The following RHOT2 variants were observed in gnomAD, a reference collection of about 807,000 sequenced individuals.
RHOT2 encodes mitochondrial Rho GTPase 2.
Under a neutral mutation model 81.6 loss-of-function variants are expected in RHOT2, and 90 were observed. The observed-to-expected ratio is 1.10, with a 90% CI of 0.93 to 1.31. The LOEUF (loss-of-function observed/expected upper bound fraction) is 1.31. Among genes scored for constraint, RHOT2 ranks in the 40% most tolerant of loss-of-function variants. RHOT2 has a pLI of 0.00. For missense variants in RHOT2, 1,014 were observed against 841.9 expected (o/e 1.20, Z -2.53); for synonymous variants, 512 against 370.9 (o/e 1.38, Z -4.37).
At position 670,927 on chromosome 16, in the gene RHOT2, C is replaced by T; in HGVS notation, c.675C>T (p.Ala225=). 1.9e-6 allele frequency: 3 copies of T among 1,569,526 alleles called. No homozygotes were observed. Among genetic ancestry groups the T allele is most frequent in the East Asian group, 4.5e-5 (2 of 44,344 alleles). ...SCFGHPLAPQ[A]LEDVKTVVCR... ...TTGGGCACCCCCTGGCCCCGCAGGC[C>T]CTGGAGGACGTGAAGACGGTGGTGT... Residue 225 remains alanine (A), a synonymous_variant, in exon 10 of 19, where the codon GCC becomes GCT. Coordinates refer to ENST00000315082, the MANE Select transcript of RHOT2 (RefSeq NM_138769.3).
chr16:669,268 T>G, intron 4 of RHOT2: 1 of 539,108 alleles, frequency 1.9e-6, no homozygotes. Flanking sequence ...TGACCACAGT[T>G]ATGCTTCTGG....
chr16:673,723 C>A lies in RHOT2; in HGVS notation c.*117C>A. On this transcript the variant is annotated 3_prime_UTR_variant, in exon 19 of 19. Coordinates refer to ENST00000315082, the MANE Select transcript of RHOT2 (RefSeq NM_138769.3). ...TGCCACTCCGGGAACGCCTTTGCGC[C>A]GGGACTTTTTGTTTCTGAAGGCAGT... 3 of 1,333,562 alleles carry A rather than the reference C, an allele frequency of 2.2e-6. No homozygotes were observed. Among genetic ancestry groups the A allele is most frequent in the Non-Finnish European group, 3.1e-6 (3 of 978,110 alleles). 82.6% of individuals were successfully genotyped at this position (1,333,562 alleles called of 1,614,324 possible). A position where few individuals can be genotyped will look rare whatever the true frequency, so the allele number is the denominator to read the frequency against.
At chr16:669,281 C>T (rs2038492025) in intron 4 of RHOT2, 1 of 554,910 alleles carries the variant, frequency 1.8e-6, no homozygotes, top group Admixed American at 3.1e-5. Context: ...GCTTCTGGGG[C>T]CTGGTGTCCC....
chr16:673,475 T>C lies in RHOT2; in HGVS notation c.1731-5T>C. 1.2e-6 allele frequency: 2 copies of C among 1,612,646 alleles called. No homozygotes were observed. Among genetic ancestry groups the C allele is most frequent in the Non-Finnish European group, 1.7e-6 (2 of 1,179,908 alleles). On this transcript the variant is annotated splice_region_variant and splice_polypyrimidine_tract_variant and intron_variant, in intron 18 of 18. Transcript: ENST00000315082. ...GTATCTGCAGATGATTCTTCTCTCTTGCAGACATTTGGTCCACGCAGAGCT... is the reference window on the plus strand; with the variant it reads ...GTATCTGCAGATGATTCTTCTCTCTCGCAGACATTTGGTCCACGCAGAGCT...
intron 5 of RHOT2, chr16:669,918 G>C: frequency 1.6e-6 from 1 of 613,442 alleles, no homozygotes; most frequent in Non-Finnish European, 2.8e-6. Flanking sequence ...GTGACTTGGG[G>C]GTGTTTGGGA....
intron 12 of RHOT2, 22 bp downstream of exon 12, chr16:671,803 T>TGGCCCCG: frequency 3.8e-6 from 5 of 1,308,158 alleles, no homozygotes; most frequent in Middle Eastern, 2.0e-4. Context: ...GCGAGTCCCC[T>TGGCCCCG]GCCCCTGCCC....
chr16:670,456 T>C lies in RHOT2; in HGVS notation c.439T>C (p.Cys147Arg), dbSNP rs1022260210. 3.7e-6 allele frequency: 6 copies of C among 1,605,686 alleles called. No homozygotes were observed. Among genetic ancestry groups the C allele is most frequent in the Non-Finnish European group, 5.1e-6 (6 of 1,176,064 alleles). The change falls in exon 8 of 19, where the codon TGT (cysteine) becomes CGT (arginine). Residue 147 changes from cysteine (C) to arginine (R), a missense_variant and splice_region_variant. Physicochemically the swap from Cys to Arg is radical, Grantham distance 180. Transcript: ENST00000315082. The stretch of plus-strand genomic sequence containing the variant: ...CCTGAGGCTGTTCCCACTTTCCCAG[T>C]GTTCGGCCAAGAACCTGAGGAACAT... ...QFPEIETCVE[C>R]SAKNLRNISE...
chr16:668,541 G>C lies in RHOT2; in HGVS notation c.150G>C (p.Lys50Asn). 1 of 1,610,634 alleles carries C rather than the reference G, an allele frequency of 6.2e-7. No individual in the cohort carries two copies. Among genetic ancestry groups the C allele is most frequent in the Non-Finnish European group, 8.5e-7 (1 of 1,179,108 alleles). The change falls in exon 3 of 19, where the codon AAG (lysine) becomes AAC (asparagine). Residue 50 changes from lysine (K) to asparagine (N), a missense_variant. Coordinates refer to ENST00000315082, the MANE Select transcript of RHOT2 (RefSeq NM_138769.3). ...ITIPADVTPE[K>N]VPTHIVDYSE... The stretch of plus-strand genomic sequence containing the variant: ...TCCCCGCGGACGTCACCCCGGAGAA[G>C]GTGCCCACCCACATCGTGGACTACT...
chr16:669,782 G>A, intron 5 of RHOT2, 176 bp downstream of exon 5: 2 of 674,878 alleles, frequency 3.0e-6, no homozygotes, highest in South Asian at 1.7e-5. Context: ...TCCCCTGAGA[G>A]GGTCTGGGGC....
rs1343819289 is a variant in RHOT2, at chr16:668,508, G to A, written c.117G>A (p.Glu39=). Residue 39 remains glutamate (E), a synonymous_variant, in exon 3 of 19, where the codon GAG becomes GAA. Transcript: ENST00000315082. ...TGCAGGTCCCTCCCCGCGCGGAGGA[G>A]ATCACCATCCCCGCGGACGTCACCC... ...FPEEVPPRAE[E]ITIPADVTPE... 4 of 1,609,034 alleles carry A rather than the reference G, an allele frequency of 2.5e-6. No homozygotes were observed. The highest frequency in any genetic ancestry group is 1.3e-5 in the African/African-American group (1 of 74,632).
chr16:670,102 C>G (rs756950494), intron 5 of RHOT2, 21 bp from the exon 6 acceptor site: 2 of 1,547,216 alleles, frequency 1.3e-6, no homozygotes, highest in South Asian at 2.4e-5. Context: ...CCTCACTTCA[C>G]AGCCAGGCTT....
At chr16:673,431 C>G in intron 18 of RHOT2, 49 bp from the exon 19 acceptor site, 1 of 1,610,856 alleles carries the variant, frequency 6.2e-7, no homozygotes, top group Non-Finnish European at 8.5e-7. Flanking sequence ...CAGCAGCAAG[C>G]TGGGGGCATG....
At chr16:670,579 G>A (rs1377308250) in intron 8 of RHOT2, 22 bp downstream of exon 8, 35 of 1,595,148 alleles carry the variant, frequency 2.2e-5, no homozygotes, top group Middle Eastern at 3.3e-4. Context: ...CTGGGGCCCC[G>A]CACGCTGGTT....
At position 671,198 on chromosome 16, in the gene RHOT2, C is replaced by A; in HGVS notation, c.864C>A (p.Ser288=). ...TGGAGCTGACTGCGGACTATCTCTCCCCTCTGTGAGTGATGCCGGGGCTTG... is the reference window on the plus strand; with the variant it reads ...TGGAGCTGACTGCGGACTATCTCTCACCTCTGTGAGTGATGCCGGGGCTTG... The part of the protein sequence containing the change: ...DALELTADYL[S]PLIHVPPGCS... Residue 288 remains serine, a synonymous_variant, in exon 11 of 19, where the codon TCC becomes TCA. Transcript: ENST00000315082. 6.4e-7 allele frequency: 1 copy of A among 1,555,420 alleles called. No individual in the cohort carries two copies. The highest frequency in any genetic ancestry group is 1.2e-5 in the South Asian group (1 of 84,314).
In RHOT2 at chr16:672,562, T is replaced by TTGC; in HGVS notation, c.1400_1401insTGC (p.Leu467delinsPheAla). ...CAGGTCAATGGACAGGAGAAGTACTTGATCGTGAGTGCTGGGGCGGCGCGG... is the reference window on the plus strand; with the variant it reads ...CAGGTCAATGGACAGGAGAAGTACTTTGCGATCGTGAGTGCTGGGGCGGCGCGG... On this transcript the variant is annotated protein_altering_variant, in exon 16 of 19. Coordinates refer to ENST00000315082, the MANE Select transcript of RHOT2 (RefSeq NM_138769.3). 6.2e-7 allele frequency: 1 copy of TTGC among 1,612,492 alleles called. No individual in the cohort carries two copies. The highest frequency in any genetic ancestry group is 8.5e-7 in the Non-Finnish European group (1 of 1,179,830).
In RHOT2 at chr16:672,011, G is replaced by A. The variant is rs199722808; in HGVS notation, c.1097+9G>A. ...TACCTCTGCCAGTGGACGTAAGTGC[G>A]GCCCACACCATGCCCGCCTGCCGCA... On this transcript the variant is annotated intron_variant, in intron 13 of 18. Coordinates refer to ENST00000315082, the MANE Select transcript of RHOT2 (RefSeq NM_138769.3). The A allele has an allele frequency of 9.9e-6, 16 of 1,611,626 alleles. No individual in the cohort carries two copies. The East Asian group carries it at 1.1e-4, about 11-fold the overall frequency.
Position 671,212 on chromosome 16 carries a change from T to A in RHOT2, c.869+9T>A. The A allele has an allele frequency of 1.3e-6, 2 of 1,536,250 alleles. No individual in the cohort carries two copies. Among genetic ancestry groups the A allele is most frequent in the Non-Finnish European group, 8.8e-7 (1 of 1,139,962 alleles). On this transcript the variant is annotated intron_variant, in intron 11 of 18. Coordinates refer to ENST00000315082, the MANE Select transcript of RHOT2 (RefSeq NM_138769.3). ...GACTATCTCTCCCCTCTGTGAGTGA[T>A]GCCGGGGCTTGAGGCCTGCCCTCCC...
Position 668,410 on chromosome 16 carries a change from A to C in RHOT2, c.95A>C (p.Glu32Ala). Reference protein sequence around the residue: ...LSLVGEEFPEEVPPRAEEITI... With the variant: ...LSLVGEEFPEAVPPRAEEITI... ...CTGGTGGGCGAGGAGTTCCCCGAGG[A>C]GGTAAGGGGCACGCCCGCCGCGGGG... The change falls in exon 2 of 19, where the codon GAG (glutamate) becomes GCG (alanine). Residue 32 changes from glutamate to alanine, a missense_variant and splice_region_variant. By Grantham distance (107) the Glu-to-Ala change is moderately radical (BLOSUM62 -1). Transcript: ENST00000315082. 6.7e-7 allele frequency: 1 copy of C among 1,498,470 alleles called. No homozygotes were observed. The highest frequency in any genetic ancestry group is 1.3e-5 in the South Asian group (1 of 77,626). The allele number at this position is 1,498,470 out of a possible 1,614,324, so 92.8% of individuals were successfully genotyped here.
intron 7 of RHOT2, 36 bp downstream of exon 7, chr16:670,393 C>T: frequency 6.2e-7 from 1 of 1,610,186 alleles, no homozygotes; most frequent in Non-Finnish European, 8.5e-7. Flanking sequence ...CTCCTTCATT[C>T]CTTGTGTTCT....
Sources: allele counts gnomAD v4.1 joint callset, GRCh38; gene constraint gnomAD v4.1.1; transcripts MANE v1.5; gene names NCBI Gene and HGNC (gene_info 2026-07-23, HGNC 2026-07-21).